The following TMEFF2 variants were observed in gnomAD, a reference collection of about 807,000 sequenced individuals.
TMEFF2 encodes the protein tomoregulin-2.
In TMEFF2, 28 loss-of-function variants were observed where a neutral mutation model predicts 53.8. The observed-to-expected ratio is 0.52, with a 90% confidence interval of 0.39 to 0.71. TMEFF2 has a LOEUF of 0.71. Among genes scored for constraint, TMEFF2 ranks in the 30% least tolerant of loss-of-function variants. TMEFF2 has a pLI of 0.00. For synonymous variants in TMEFF2, 162 were observed against 166.3 expected (o/e 0.97, Z 0.20); for missense variants, 353 against 455.2 (o/e 0.78, Z 2.04).
chr2:192,078,783 G>GA (rs1370435529), intron 4 of TMEFF2, among the ~76,000 whole-genome samples: 2 of 152,042 alleles, frequency 1.3e-5, no homozygotes, highest in East Asian at 1.9e-4. Flanking sequence ...TCTGAAAAAG[G>GA]AAAAAACTAT....
At chr2:191,967,969 C>T (rs1015665530) in intron 7 of TMEFF2, among the ~76,000 whole-genome samples, 1 of 152,192 alleles carries the variant, frequency 6.6e-6, no homozygotes, top group South Asian at 2.1e-4. Context: ...GAGAACACTC[C>T]ACTCCATGTA....
At chr2:192,033,195 C>G (rs1469983685) in intron 5 of TMEFF2, among the ~76,000 whole-genome samples, 1 of 152,066 alleles carries the variant, frequency 6.6e-6, no homozygotes, top group Non-Finnish European at 1.5e-5. Flanking sequence ...TCAATAATGA[C>G]AGAACAAATA....
chr2:191,960,693 T>G (rs890332612), intron 7 of TMEFF2, among the ~76,000 whole-genome samples: 1 of 152,200 alleles, frequency 6.6e-6, no homozygotes, highest in African/African-American at 2.4e-5. Context: ...TCTGATTCTG[T>G]GTAAGCGTTT....
chr2:192,115,465 A>G (rs968600140), intron 4 of TMEFF2, among the ~76,000 whole-genome samples: 1 of 152,008 alleles, frequency 6.6e-6, no homozygotes, highest in Non-Finnish European at 1.5e-5. Context: ...CACAGGCAAC[A>G]AAAGTCAGAT....
At chr2:191,978,081 T>G (rs935937233) in intron 7 of TMEFF2, among the ~76,000 whole-genome samples, 8 of 152,194 alleles carry the variant, frequency 5.3e-5, no homozygotes, top group African/African-American at 1.7e-4. Flanking sequence ...TTTTTTCCTT[T>G]TTTAGTTTCC....
intron 4 of TMEFF2, among the ~76,000 whole-genome samples, chr2:192,092,017 C>CTTA: frequency 6.6e-6 from 1 of 152,250 alleles, no homozygotes; most frequent in African/African-American, 2.4e-5. Context: ...GAAACTTAAA[C>CTTA]AACTGATGTC....
intron 4 of TMEFF2, among the ~76,000 whole-genome samples, chr2:192,110,973 A>G (rs1456832915): frequency 6.6e-6 from 1 of 152,114 alleles, no homozygotes; most frequent in Admixed American, 6.6e-5. Flanking sequence ...GCCTGCTGCG[A>G]TGTAAGACAT....
At chr2:192,175,567 C>G (rs4441408) in intron 4 of TMEFF2, among the ~76,000 whole-genome samples, 140,740 of 151,266 alleles carry the variant, frequency 0.93, 65,976 homozygotes, top group East Asian at 1. Context: ...AATTTGACTT[C>G]TACATATCCA....
At chr2:192,039,566 G>A (rs1286829664) in intron 5 of TMEFF2, among the ~76,000 whole-genome samples, 1 of 152,088 alleles carries the variant, frequency 6.6e-6, no homozygotes, top group Admixed American at 6.6e-5. Context: ...AATATTTACA[G>A]AAAAATAAAC....
At chr2:192,063,326 A>G (rs1486550109) in intron 4 of TMEFF2, among the ~76,000 whole-genome samples, 1 of 151,816 alleles carries the variant, frequency 6.6e-6, no homozygotes, top group East Asian at 1.9e-4. Flanking sequence ...TGTGTTTTTA[A>G]CTTCCAAATC....
chr2:192,118,369 T>A (rs1689467435), intron 4 of TMEFF2, among the ~76,000 whole-genome samples: 1 of 152,172 alleles, frequency 6.6e-6, no homozygotes, highest in African/African-American at 2.4e-5. Flanking sequence ...ATTTTGGGAA[T>A]GATGTAACTA....
intron 5 of TMEFF2, among the ~76,000 whole-genome samples, chr2:192,037,605 T>C (rs568778827): frequency 7.6e-6 from 1 of 131,932 alleles, no homozygotes; most frequent in Admixed American, 8.0e-5. Context: ...TTTGTGCGTG[T>C]GTGAGAGAGA....
intron 9 of TMEFF2, 130 bp downstream of exon 9, chr2:191,953,549 A>G: frequency 1.1e-6 from 1 of 927,870 alleles, no homozygotes; most frequent in Non-Finnish European, 1.6e-6. Context: ...TCTTATGCTA[A>G]GGACATAGGA....
intron 7 of TMEFF2, among the ~76,000 whole-genome samples, chr2:191,968,013 G>A (rs1322825624): frequency 6.6e-6 from 1 of 152,200 alleles, no homozygotes; most frequent in Non-Finnish European, 1.5e-5. Context: ...GCCAACATCT[G>A]TGAGAGATTT....
intron 4 of TMEFF2, among the ~76,000 whole-genome samples, chr2:192,159,462 G>A (rs1690583410): frequency 6.6e-6 from 1 of 152,140 alleles, no homozygotes; most frequent in African/African-American, 2.4e-5. Context: ...TCTGGGAACT[G>A]AATGCGCTAG....
intron 5 of TMEFF2, among the ~76,000 whole-genome samples, chr2:192,024,064 T>A (rs745730372): frequency 1.3e-5 from 2 of 152,208 alleles, no homozygotes; most frequent in Non-Finnish European, 2.9e-5. Context: ...CCTATGCATA[T>A]CTTTATGATT....
At position 192,191,989 on chromosome 2, in the gene TMEFF2, C is replaced by G; in HGVS notation, c.173G>C (p.Gly58Ala). The stretch of plus-strand genomic sequence containing the variant: ...GAGATCATTTTCTCTGTCATCATAA[C>G]CTCAAATTCAAAGAGAACACTCCAG... The part of the protein sequence containing the change: ...CQTPTGWNCS[G>A]YDDRENDLFL... Residue 58 changes from glycine to alanine, a missense_variant and splice_region_variant, in exon 2 of 10, where the codon GGT (glycine) becomes GCT (alanine). Gly to Ala is a moderately conservative substitution (Grantham distance 60, BLOSUM62 0). Transcript: ENST00000272771. 6.2e-7 allele frequency: 1 copy of G among 1,602,056 alleles called. No homozygotes were observed. The highest frequency in any genetic ancestry group is 8.6e-7 in the Non-Finnish European group (1 of 1,169,352).
intron 5 of TMEFF2, among the ~76,000 whole-genome samples, chr2:192,039,514 C>G (rs907262710): frequency 6.6e-6 from 1 of 152,134 alleles, no homozygotes; most frequent in Non-Finnish European, 1.5e-5. Flanking sequence ...ATCTGTGCAA[C>G]TTATATAACA....
chr2:192,136,292 T>A (rs1690006474), intron 4 of TMEFF2, among the ~76,000 whole-genome samples: 1 of 152,210 alleles, frequency 6.6e-6, no homozygotes, highest in African/African-American at 2.4e-5. Context: ...AAGACTTAAA[T>A]ATGAATTGAT....
Sources: gnomAD v4.1 joint callset for allele counts (sites outside exome capture counted in the v4.1 genomes callset) on GRCh38, gnomAD v4.1.1 for gene constraint, MANE v1.5 for transcripts, NCBI Gene and HGNC (gene_info 2026-07-23, HGNC 2026-07-21) for gene names.